The following SPOCK3 variants were observed in gnomAD, a reference collection of about 807,000 sequenced individuals.
SPOCK3 encodes the protein testican-3.
A neutral mutation model predicts 56.6 loss-of-function variants in SPOCK3; 30 were observed. The observed-to-expected ratio is 0.53, with a 90% CI of 0.40 to 0.72. The LOEUF (loss-of-function observed/expected upper bound fraction) is 0.72. SPOCK3 is among the 30% of genes least tolerant of loss of function. The pLI is 0.00. For synonymous variants in SPOCK3, 196 were observed against 183.3 expected (o/e 1.07, Z -0.56); for missense variants, 527 against 530.0 (o/e 0.99, Z 0.06).
chr4:166,866,534 T>C (rs1731862231), intron 6 of SPOCK3, among the ~76,000 whole-genome samples: 1 of 152,120 alleles, frequency 6.6e-6, no homozygotes, highest in Admixed American at 6.6e-5. Context: ...TCTATCTATC[T>C]GACAAATGTC....
At chr4:167,002,202 AC>A (rs1749014620) in intron 3 of SPOCK3, among the ~76,000 whole-genome samples, 1 of 151,896 alleles carries the variant, frequency 6.6e-6, no homozygotes, top group African/African-American at 2.4e-5. Flanking sequence ...GAAATGATCC[AC>A]CCACCTTAGC....
intron 2 of SPOCK3, among the ~76,000 whole-genome samples, chr4:167,187,454 C>A (rs771918965): frequency 2.0e-5 from 3 of 151,964 alleles, no homozygotes; most frequent in Non-Finnish European, 4.4e-5. Flanking sequence ...GATATAACAC[C>A]CTACACATTA....
At position 167,128,414 on chromosome 4, in the gene SPOCK3, C is replaced by T. The variant is rs538372095; in HGVS notation, c.190-65877G>A. Among the ~76,000 whole-genome samples the T allele has an allele frequency of 1.1e-4, 16 of 152,250 alleles. No individual in the cohort carries two copies. In the South Asian group the frequency reaches 3.3e-3, roughly 32 times the overall value. ...TTCTCCACATGAATTTTGGGTACAC[C>T]ACCATTTATTACTTTGTGCAAAAAA... On this transcript the variant is annotated intron_variant, in intron 2 of 10. Coordinates refer to ENST00000357545, the MANE Select transcript of SPOCK3 (RefSeq NM_001040159.2).
intron 4 of SPOCK3, among the ~76,000 whole-genome samples, chr4:166,992,606 T>A (rs1315410493): frequency 6.6e-6 from 1 of 152,182 alleles, no homozygotes; most frequent in African/African-American, 2.4e-5. Flanking sequence ...GAAACCTAAG[T>A]AATGTTGATT....
chr4:166,768,017 C>G (rs966274754), intron 7 of SPOCK3, among the ~76,000 whole-genome samples: 19 of 111,184 alleles, frequency 1.7e-4, no homozygotes, highest in Non-Finnish European at 3.8e-5. Context: ...GCAAACCCTG[C>G]TTTTTTTGTT....
At chr4:167,096,407 A>G (rs1331689609) in intron 2 of SPOCK3, among the ~76,000 whole-genome samples, 1 of 151,830 alleles carries the variant, frequency 6.6e-6, no homozygotes, top group Non-Finnish European at 1.5e-5. Context: ...CACTTTCCCT[A>G]TAAGCATTTC....
At chr4:166,856,411 G>A (rs1029449607) in intron 6 of SPOCK3, among the ~76,000 whole-genome samples, 31 of 152,088 alleles carry the variant, frequency 2.0e-4, no homozygotes, top group African/African-American at 7.5e-4. Flanking sequence ...ATTCTGTAAT[G>A]AATACATTGT....
chr4:166,832,670 T>G (rs552045937), intron 6 of SPOCK3, among the ~76,000 whole-genome samples: 1 of 152,260 alleles, frequency 6.6e-6, no homozygotes, highest in South Asian at 2.1e-4. Context: ...GATCCATCAA[T>G]AGTGGATTAA....
chr4:166,940,770 G>A (rs1277876719), intron 4 of SPOCK3, among the ~76,000 whole-genome samples: 3 of 146,128 alleles, frequency 2.1e-5, no homozygotes, highest in Non-Finnish European at 1.5e-5. Flanking sequence ...ATAAGGAGGT[G>A]GGAAGAGGAG....
At chr4:166,808,460 C>T (rs1743411352) in intron 6 of SPOCK3, among the ~76,000 whole-genome samples, 1 of 152,046 alleles carries the variant, frequency 6.6e-6, no homozygotes, top group Non-Finnish European at 1.5e-5. Context: ...CTCTCTCTCT[C>T]TCTCTCTCTC....
chr4:167,029,122 A>C (rs1752013168), intron 3 of SPOCK3, among the ~76,000 whole-genome samples: 1 of 151,926 alleles, frequency 6.6e-6, no homozygotes, highest in Middle Eastern at 3.2e-3. Context: ...CCATGAGTCC[A>C]TGTATTCTCA....
At chr4:167,205,553 A>G (rs1183407220) in intron 2 of SPOCK3, among the ~76,000 whole-genome samples, 3 of 68,856 alleles carry the variant, frequency 4.4e-5, no homozygotes, top group South Asian at 6.6e-4. Context: ...ATTATATAAT[A>G]TATAATATAT....
chr4:167,000,300 T>C (rs772945866), intron 4 of SPOCK3, 49 bp downstream of exon 4: 10 of 893,188 alleles, frequency 1.1e-5, no homozygotes, highest in African/African-American at 1.0e-4. Flanking sequence ...CAGTTATTCC[T>C]GGTAAGGAGC....
At chr4:167,115,026 T>C (rs939854921) in intron 2 of SPOCK3, among the ~76,000 whole-genome samples, 14 of 152,104 alleles carry the variant, frequency 9.2e-5, no homozygotes, top group Admixed American at 9.2e-4. Context: ...ATGTTAAATT[T>C]CACCAGGGAA....
intron 3 of SPOCK3, among the ~76,000 whole-genome samples, chr4:167,027,731 T>C (rs1751835055): frequency 1.3e-5 from 2 of 152,070 alleles, no homozygotes; most frequent in Admixed American, 6.6e-5. Flanking sequence ...AGAGAAAATA[T>C]ATTTGTTATT....
chr4:166,934,914 G>T (rs1163362972), intron 4 of SPOCK3, among the ~76,000 whole-genome samples: 1 of 140,362 alleles, frequency 7.1e-6, no homozygotes, highest in Admixed American at 6.8e-5. Context: ...TAACATTTGA[G>T]AAAAGAAAAA....
At chr4:167,166,344 C>T (rs538907858) in intron 2 of SPOCK3, among the ~76,000 whole-genome samples, 1 of 152,198 alleles carries the variant, frequency 6.6e-6, no homozygotes, top group Admixed American at 6.5e-5. Context: ...CAATTCTTTT[C>T]AACTGTACCT....
intron 7 of SPOCK3, among the ~76,000 whole-genome samples, chr4:166,779,647 T>C (rs990271238): frequency 6.6e-6 from 1 of 152,210 alleles, no homozygotes; most frequent in East Asian, 1.9e-4. Flanking sequence ...TATCAAGTGC[T>C]ATGACATATA....
chr4:167,095,962 T>C (rs1759112433), intron 2 of SPOCK3, among the ~76,000 whole-genome samples: 1 of 151,880 alleles, frequency 6.6e-6, no homozygotes, highest in South Asian at 2.1e-4. Flanking sequence ...TCTTGTATAC[T>C]TTCAAGGAAC....
Sources: allele counts gnomAD v4.1 joint callset (sites outside exome capture counted in the v4.1 genomes callset), GRCh38; gene constraint gnomAD v4.1.1; transcripts MANE v1.5; gene names NCBI Gene and HGNC (gene_info 2026-07-23, HGNC 2026-07-21).